FAM107B: variants seen among roughly 807,000 people sequenced by gnomAD.
The protein encoded by FAM107B is protein FAM107B.
FAM107B carries 21 observed loss-of-function variants against 31.5 expected under a neutral mutation model. That is an observed-to-expected ratio of 0.67 (90% CI 0.47 to 0.96). FAM107B has a LOEUF of 0.96. Ranked by LOEUF, FAM107B falls within the 40% of genes least tolerant of loss-of-function variation. FAM107B has a pLI of 0.00. For synonymous variants in FAM107B, 157 were observed against 141.5 expected (o/e 1.11, Z -0.78); for missense variants, 452 against 377.1 (o/e 1.20, Z -1.64).
chr10:14,548,828 A>G lies in FAM107B; in HGVS notation c.470-18313T>C, dbSNP rs1455824550. ...CCTCTACAAGTACACATGCACACGC[A>G]CACACACGCACACACACACCGACTG... is the stretch of plus-strand genomic sequence containing the variant. On this transcript the variant is annotated intron_variant, in intron 2 of 4. Transcript: ENST00000181796. 6.9e-5 allele frequency among the ~76,000 whole-genome samples: 4 copies of G among 57,626 alleles called. No individual in the cohort carries two copies. The East Asian group carries it at 2.5e-3, about 36-fold the overall frequency. 37.8% of individuals were successfully genotyped at this position (57,626 alleles called of 152,430 possible).
intron 2 of FAM107B, among the ~76,000 whole-genome samples, chr10:14,665,563 T>C (rs1033551489): frequency 6.6e-6 from 1 of 152,236 alleles, no homozygotes; most frequent in African/African-American, 2.4e-5. Flanking sequence ...GAATTTGCAT[T>C]GATGCAGCAA....
intron 1 of FAM107B, among the ~76,000 whole-genome samples, chr10:14,680,342 G>A (rs1040601884): frequency 2.0e-5 from 3 of 152,118 alleles, no homozygotes; most frequent in Non-Finnish European, 2.9e-5. Context: ...GGGAGGCTGA[G>A]GCAGGCACAT....
intron 1 of FAM107B, among the ~76,000 whole-genome samples, chr10:14,756,195 T>C (rs1832927709): frequency 6.6e-6 from 1 of 152,210 alleles, no homozygotes; most frequent in East Asian, 1.9e-4. Flanking sequence ...TCTCACTTAA[T>C]CTGTTTAATA....
intron 2 of FAM107B, among the ~76,000 whole-genome samples, chr10:14,561,189 AG>A (rs1850209405): frequency 6.6e-6 from 1 of 152,236 alleles, no homozygotes; most frequent in East Asian, 1.9e-4. Flanking sequence ...ATTAAGTGCC[AG>A]GCACTGTTCA....
Position 14,530,337 on chromosome 10 carries a change from T to C in FAM107B, c.648A>G (p.Gln216=). 1 of 1,603,362 alleles carries C rather than the reference T, an allele frequency of 6.2e-7. No individual in the cohort carries two copies. Among genetic ancestry groups the C allele is most frequent in the South Asian group, 1.1e-5 (1 of 87,600 alleles). Residue 216 remains glutamine, a synonymous_variant, in exon 3 of 5, where the codon CAA becomes CAG. Coordinates refer to ENST00000181796, the MANE Select transcript of FAM107B (RefSeq NM_031453.4). ...QDLHRELLMN[Q]KRGLAPQNKP... is the part of the protein sequence containing the mutation. ...TGCTCAAGAAACCATTTTACCTTTTTTGATTCATAAGAAGTTCTCTGTGAA... is the reference window on the plus strand; with the variant it reads ...TGCTCAAGAAACCATTTTACCTTTTCTGATTCATAAGAAGTTCTCTGTGAA...
intron 2 of FAM107B, among the ~76,000 whole-genome samples, chr10:14,558,828 A>T (rs1849946520): frequency 6.6e-6 from 1 of 152,188 alleles, no homozygotes; most frequent in African/African-American, 2.4e-5. Context: ...GATGAACTTG[A>T]ATTCTTACTT....
At chr10:14,663,727 G>A (rs887663731) in intron 2 of FAM107B, among the ~76,000 whole-genome samples, 1 of 152,014 alleles carries the variant, frequency 6.6e-6, no homozygotes, top group Non-Finnish European at 1.5e-5. Context: ...AATGTATACA[G>A]ACACAATTAT....
At chr10:14,558,696 G>A (rs931285179) in intron 2 of FAM107B, among the ~76,000 whole-genome samples, 10 of 152,122 alleles carry the variant, frequency 6.6e-5, no homozygotes, top group African/African-American at 2.4e-4. Context: ...CTGGGGTTGG[G>A]TGGGGAGTTG....
At chr10:14,731,607 A>G (rs1208691375) in intron 1 of FAM107B, among the ~76,000 whole-genome samples, 1 of 152,178 alleles carries the variant, frequency 6.6e-6, no homozygotes, top group Non-Finnish European at 1.5e-5. Flanking sequence ...AACTTTTTAA[A>G]TCTCTCAATG....
chr10:14,612,348 AAG>A (rs1852746046), intron 2 of FAM107B: 1 of 152,340 alleles, frequency 6.6e-6, no homozygotes, highest in South Asian at 2.1e-4. Context: ...TATAAGGAAA[AAG>A]AGAGAATGAA....
chr10:14,760,905 G>A (rs1188190171), intron 1 of FAM107B, among the ~76,000 whole-genome samples: 3 of 150,794 alleles, frequency 2.0e-5, no homozygotes, highest in Non-Finnish European at 4.4e-5. Flanking sequence ...TCAGCTACTC[G>A]AGAGACTGAG....
At chr10:14,591,889 T>G (rs1852031765) in intron 2 of FAM107B, among the ~76,000 whole-genome samples, 1 of 151,464 alleles carries the variant, frequency 6.6e-6, no homozygotes, top group South Asian at 2.1e-4. Flanking sequence ...ATCCAGAATG[T>G]GGAACATTCT....
chr10:14,661,745 T>A (rs751101510), intron 2 of FAM107B: 8 of 152,222 alleles, frequency 5.3e-5, no homozygotes, highest in Non-Finnish European at 1.2e-4. Context: ...AGGAAGAGAA[T>A]GATTTTGGTT....
chr10:14,699,563 C>G (rs1020804691), intron 1 of FAM107B, among the ~76,000 whole-genome samples: 1 of 152,188 alleles, frequency 6.6e-6, no homozygotes, highest in African/African-American at 2.4e-5. Context: ...CTATCAAGCC[C>G]GCAATGAATC....
Position 14,632,253 on chromosome 10 carries a change from G to A in FAM107B, c.469+35381C>T, listed in dbSNP as rs549116865. ...GCAGAGGTTTCAGTGAGTGGAGATC[G>A]CGTCACTGCACTCCAGACTCCAGCC... is the stretch of plus-strand genomic sequence containing the variant. On this transcript the variant is annotated intron_variant, in intron 2 of 4. Coordinates refer to ENST00000181796, the MANE Select transcript of FAM107B (RefSeq NM_031453.4). 2.4e-4 allele frequency among the ~76,000 whole-genome samples: 34 copies of A among 141,324 alleles called. 1 individual carries two copies. The South Asian group carries it at 4.7e-3, about 19-fold the overall frequency. 92.7% of individuals were successfully genotyped at this position (141,324 alleles called of 152,430 possible). A position where few individuals can be genotyped will look rare whatever the true frequency, so the allele number is the denominator to read the frequency against.
chr10:14,646,125 G>A (rs765747010), intron 2 of FAM107B, among the ~76,000 whole-genome samples: 7 of 152,242 alleles, frequency 4.6e-5, no homozygotes, highest in Middle Eastern at 3.4e-3. Context: ...TCTTTCTTTA[G>A]GCTGTGATCT....
chr10:14,766,423 C>T (rs1386002333), intron 1 of FAM107B, among the ~76,000 whole-genome samples: 3 of 152,062 alleles, frequency 2.0e-5, no homozygotes, highest in Non-Finnish European at 4.4e-5. Flanking sequence ...GGAGGGTTAT[C>T]ATTAGAGTGG....
intron 1 of FAM107B, among the ~76,000 whole-genome samples, chr10:14,675,975 T>C (rs1391298634): frequency 2.0e-5 from 3 of 151,964 alleles, no homozygotes; most frequent in African/African-American, 7.3e-5. Context: ...CTAGGCAACA[T>C]AGTGAAAGCC....
chr10:14,685,691 G>A (rs376612255), intron 1 of FAM107B, among the ~76,000 whole-genome samples: 4 of 152,136 alleles, frequency 2.6e-5, no homozygotes, highest in Admixed American at 2.0e-4. Context: ...TGCCTCCTAT[G>A]AACACATACT....
Sources: allele counts gnomAD v4.1 joint callset (sites outside exome capture counted in the v4.1 genomes callset), GRCh38; gene constraint gnomAD v4.1.1; transcripts MANE v1.5; gene names NCBI Gene and HGNC (gene_info 2026-07-23, HGNC 2026-07-21).